UNC13C: variants seen among roughly 807,000 people sequenced by gnomAD.
The protein encoded by UNC13C is unc-13 homolog C, also known as protein unc-13 homolog C.
UNC13C carries 174 observed loss-of-function variants against 245.4 expected under a neutral mutation model. The ratio of observed to expected loss-of-function variants is 0.71; its 90% confidence interval spans 0.63 to 0.80. The LOEUF is 0.80. Among genes scored for constraint, UNC13C ranks in the 30% least tolerant of loss-of-function variants. The pLI, the probability that UNC13C is intolerant of heterozygous loss-of-function variation, is 0.00. For missense variants in UNC13C, 2,829 were observed against 2,602.9 expected (o/e 1.09, Z -1.89); for synonymous variants, 992 against 895.1 (o/e 1.11, Z -1.93).
At position 54,386,727 on chromosome 15, in the gene UNC13C, A is replaced by T. The variant is rs140222539; in HGVS notation, c.4714-6321A>T. On this transcript the variant is annotated intron_variant, in intron 17 of 32. Coordinates refer to ENST00000260323, the MANE Select transcript of UNC13C (RefSeq NM_001080534.3). The stretch of plus-strand genomic sequence containing the variant: ...ATTTGTATGTTCAGTCTTCATGGCT[A>T]ACAGTTTTTTAAATGAGAATTGAAT... 3.3e-5 allele frequency among the ~76,000 whole-genome samples: 5 copies of T among 152,282 alleles called. No individual in the cohort carries two copies. In the East Asian group the frequency reaches 9.7e-4, roughly 29 times the overall value.
the UNC13C span, among the ~76,000 whole-genome samples, chr15:53,895,169 G>C: frequency 6.6e-6 from 1 of 151,772 alleles, no homozygotes; most frequent in Non-Finnish European, 1.5e-5. Flanking sequence ...TTTGAGACCA[G>C]CCTGGCCAAC....
chr15:54,280,026 C>T, intron 10 of UNC13C, among the ~76,000 whole-genome samples: 1 of 152,074 alleles, frequency 6.6e-6, no homozygotes, highest in Non-Finnish European at 1.5e-5. Flanking sequence ...TTCTGGATAA[C>T]ATTTTAGTAA....
At chr15:54,179,921 A>G (rs1040534929) in intron 4 of UNC13C, among the ~76,000 whole-genome samples, 1 of 152,130 alleles carries the variant, frequency 6.6e-6, no homozygotes, top group Non-Finnish European at 1.5e-5. Flanking sequence ...AAGAGAAGCA[A>G]TAAAACATAA....
intron 28 of UNC13C, among the ~76,000 whole-genome samples, chr15:54,552,763 T>C (rs1381541423): frequency 1.2e-5 from 1 of 81,334 alleles, no homozygotes; most frequent in Non-Finnish European, 2.1e-5. Context: ...CAATATATAA[T>C]ATATAGTACA....
chr15:54,615,606 A>G (rs143476907), intron 30 of UNC13C, among the ~76,000 whole-genome samples: 5 of 152,194 alleles, frequency 3.3e-5, no homozygotes, highest in Non-Finnish European at 7.4e-5. Flanking sequence ...GTGGTGCATG[A>G]ATAGATTTGA....
chr15:53,867,399 T>C, the UNC13C span, among the ~76,000 whole-genome samples: 1 of 152,212 alleles, frequency 6.6e-6, no homozygotes, highest in African/African-American at 2.4e-5. Flanking sequence ...CTTCCATTAC[T>C]TAAGCCCTTC....
the UNC13C span, among the ~76,000 whole-genome samples, chr15:53,898,990 A>T: frequency 1.4e-5 from 2 of 147,368 alleles, no homozygotes; most frequent in Admixed American, 6.8e-5. Flanking sequence ...CACCATGCTC[A>T]CTTCCTCTTG....
chr15:54,422,235 C>T (rs897887223), intron 19 of UNC13C, among the ~76,000 whole-genome samples: 8 of 151,976 alleles, frequency 5.3e-5, no homozygotes, highest in Admixed American at 5.3e-4. Flanking sequence ...TATTCTAGCT[C>T]CAAAGCATAT....
At chr15:54,442,694 T>C (rs79192804) in intron 19 of UNC13C, among the ~76,000 whole-genome samples, 1,687 of 152,260 alleles carry the variant, frequency 0.011, 36 homozygotes, top group African/African-American at 0.038. Flanking sequence ...ATCTTTTTTG[T>C]CTTTCATTCT....
intron 19 of UNC13C, among the ~76,000 whole-genome samples, chr15:54,481,578 A>G (rs1893121793): frequency 6.6e-6 from 1 of 152,082 alleles, no homozygotes. Context: ...AGTGGCTTTC[A>G]GGGCGCAATA....
At chr15:54,486,468 A>G (rs777562084) in intron 19 of UNC13C, among the ~76,000 whole-genome samples, 3 of 151,854 alleles carry the variant, frequency 2.0e-5, no homozygotes, top group African/African-American at 4.8e-5. Context: ...AAAAGAAAAG[A>G]AAAGAAAAAA....
At chr15:54,223,174 CA>C (rs1197851506) in intron 4 of UNC13C, among the ~76,000 whole-genome samples, 3 of 152,056 alleles carry the variant, frequency 2.0e-5, no homozygotes, top group African/African-American at 7.2e-5. Context: ...TTGCCCAGAC[CA>C]ATGTCCTTGA....
chr15:54,220,899 T>C lies in UNC13C; in HGVS notation c.3072-14131T>C, dbSNP rs1596029892. Among the ~76,000 whole-genome samples, 10 of 152,124 alleles carry C rather than the reference T, an allele frequency of 6.6e-5. 1 individual carries two copies. Among genetic ancestry groups the C allele is most frequent in the Admixed American group, 6.6e-4 (10 of 15,242 alleles). ...ATCAACATCAAAACCTGTAGCATAG[T>C]GGTTTGCTACTTGGGATGAAAAAGA... On this transcript the variant is annotated intron_variant, in intron 4 of 32. Transcript: ENST00000260323.
chr15:54,309,531 G>C (rs2037814174), intron 13 of UNC13C, among the ~76,000 whole-genome samples: 1 of 151,658 alleles, frequency 6.6e-6, no homozygotes, highest in Non-Finnish European at 1.5e-5. Context: ...GTCTATTTTT[G>C]CTTTTGTTGC....
At chr15:54,132,074 C>CTTTTTTTTTTTTTTTTTTTTTTTTTTT (rs1555420957) in intron 2 of UNC13C, among the ~76,000 whole-genome samples, 2 of 110,646 alleles carry the variant, frequency 1.8e-5, no homozygotes, top group African/African-American at 6.4e-5. Context: ...TTTTCTTTTT[C>CTTTTTTTTTTTTTTTTTTTTTTTTTTT]TTTTTTTTTT....
At chr15:53,918,029 G>A in the UNC13C span, among the ~76,000 whole-genome samples, 1 of 152,168 alleles carries the variant, frequency 6.6e-6, no homozygotes, top group Admixed American at 6.5e-5. Flanking sequence ...AACAAAAGAA[G>A]TTGATTGAGA....
At chr15:54,215,443 C>T (rs1032042709) in intron 4 of UNC13C, among the ~76,000 whole-genome samples, 1 of 151,974 alleles carries the variant, frequency 6.6e-6, no homozygotes, top group African/African-American at 2.4e-5. Context: ...ATGGCATTAG[C>T]TTTAAAAAAT....
intron 13 of UNC13C, chr15:54,320,716 G>T: frequency 5.4e-6 from 2 of 373,728 alleles, no homozygotes; most frequent in Non-Finnish European, 5.2e-6. Context: ...TTTGTTTCCT[G>T]GCAGTAATTA....
At chr15:53,857,648 G>A in the UNC13C span, among the ~76,000 whole-genome samples, 2 of 152,162 alleles carry the variant, frequency 1.3e-5, no homozygotes, top group Non-Finnish European at 2.9e-5. Flanking sequence ...GTCTATACCA[G>A]TAATATTCTA....
Sources: gnomAD v4.1 joint callset for allele counts (sites outside exome capture counted in the v4.1 genomes callset) on GRCh38, gnomAD v4.1.1 for gene constraint, MANE v1.5 for transcripts, NCBI Gene and HGNC (gene_info 2026-07-23, HGNC 2026-07-21) for gene names.